The following HYCC1 variants were observed in gnomAD, a reference collection of about 807,000 sequenced individuals.
The protein encoded by HYCC1 is hyccin.
chr7:23,013,334 C>T, the HYCC1 span, among the ~76,000 whole-genome samples: 1 of 152,238 alleles, frequency 6.6e-6, no homozygotes, highest in East Asian at 1.9e-4. Context: ...ACCTCTCCGC[C>T]CTGCAGGGGA....
chr7:22,958,296 G>A, the HYCC1 span, among the ~76,000 whole-genome samples: 1 of 152,086 alleles, frequency 6.6e-6, no homozygotes, highest in Admixed American at 6.6e-5. Context: ...AAATAAGAAG[G>A]ACTTAAGAGT....
chr7:22,987,753 A>T, the HYCC1 span, among the ~76,000 whole-genome samples: 1 of 152,100 alleles, frequency 6.6e-6, no homozygotes, highest in Non-Finnish European at 1.5e-5. Flanking sequence ...TTTCTGATGA[A>T]AATATGAGAC....
chr7:22,950,225 G>A, the HYCC1 span, among the ~76,000 whole-genome samples: 1 of 151,656 alleles, frequency 6.6e-6, no homozygotes, highest in Admixed American at 6.6e-5. Flanking sequence ...AGTCTCCCTT[G>A]GTCAACCCAT....
the HYCC1 span, among the ~76,000 whole-genome samples, chr7:22,948,986 T>G: frequency 6.6e-6 from 1 of 151,848 alleles, no homozygotes. Context: ...CACTGTGGAG[T>G]GACAGCCAAG....
At chr7:22,993,726 A>T in the HYCC1 span, among the ~76,000 whole-genome samples, 4 of 152,102 alleles carry the variant, frequency 2.6e-5, no homozygotes, top group South Asian at 8.3e-4. Flanking sequence ...ACACGTACGC[A>T]TGTGTAGCTA....
At chr7:22,992,499 C>T in the HYCC1 span, among the ~76,000 whole-genome samples, 1 of 151,986 alleles carries the variant, frequency 6.6e-6, no homozygotes, top group Non-Finnish European at 1.5e-5. Flanking sequence ...TGACATTTAT[C>T]CTCCTTAAAA....
At chr7:23,013,935 G>C in the HYCC1 span, 1 of 469,924 alleles carries the variant, frequency 2.1e-6, no homozygotes, top group Non-Finnish European at 4.4e-6. Context: ...CAGGGCGGCT[G>C]CCGGAGCTCC....
the HYCC1 span, chr7:22,939,884 T>G: frequency 3.3e-5 from 5 of 152,150 alleles, no homozygotes; most frequent in Admixed American, 6.5e-5. Flanking sequence ...TTACACATAT[T>G]AGCTACCACT....
the HYCC1 span, among the ~76,000 whole-genome samples, chr7:22,921,209 T>C: frequency 2.0e-5 from 3 of 152,238 alleles, no homozygotes; most frequent in Admixed American, 2.0e-4. Flanking sequence ...CATGTATGTA[T>C]GTATATATGT....
At chr7:22,928,049 G>A in the HYCC1 span, among the ~76,000 whole-genome samples, 7 of 152,166 alleles carry the variant, frequency 4.6e-5, no homozygotes, top group Admixed American at 2.0e-4. Context: ...ATCAATAAAC[G>A]TAATCCAGCA....
chr7:22,943,745 A>T, the HYCC1 span: 1 of 152,642 alleles, frequency 6.6e-6, no homozygotes, highest in Admixed American at 6.5e-5. Context: ...ATTCACAGTG[A>T]TATTTTACAA....
chr7:23,001,401 C>T, the HYCC1 span, among the ~76,000 whole-genome samples: 1 of 152,176 alleles, frequency 6.6e-6, no homozygotes, highest in Non-Finnish European at 1.5e-5. Context: ...TATCAGCAAT[C>T]CCTACCCATG....
the HYCC1 span, among the ~76,000 whole-genome samples, chr7:22,901,188 T>A: frequency 9.1e-6 from 1 of 109,526 alleles, no homozygotes; most frequent in Non-Finnish European, 1.7e-5. Flanking sequence ...ACCACTGCAC[T>A]ACAGCCTGGA....
the HYCC1 span, chr7:22,940,755 A>G: frequency 7.2e-5 from 11 of 151,746 alleles, no homozygotes; most frequent in Non-Finnish European, 1.3e-4. Context: ...ACAAAGTCCT[A>G]TCTAGGTACT....
chr7:22,968,640 G>A, the HYCC1 span, among the ~76,000 whole-genome samples: 1 of 152,144 alleles, frequency 6.6e-6, no homozygotes, highest in East Asian at 1.9e-4. Flanking sequence ...CCCTTTGCTG[G>A]ATGTTTTTAA....
chr7:22,984,680 G>T, the HYCC1 span, among the ~76,000 whole-genome samples: 8 of 152,180 alleles, frequency 5.3e-5, no homozygotes, highest in Non-Finnish European at 1.2e-4. Context: ...CATGATTGCA[G>T]CATTACACTC....
chr7:22,912,798 C>T, the HYCC1 span, among the ~76,000 whole-genome samples: 1 of 152,188 alleles, frequency 6.6e-6, no homozygotes, highest in Non-Finnish European at 1.5e-5. Context: ...AAAGCATGTA[C>T]CTGCTATTTC....
chr7:22,906,180 A>G, the HYCC1 span, among the ~76,000 whole-genome samples: 40 of 152,168 alleles, frequency 2.6e-4, no homozygotes, highest in African/African-American at 9.7e-4. Context: ...TAATATTTCC[A>G]TCTCCACTGA....
chr7:22,953,422 G>T, the HYCC1 span, among the ~76,000 whole-genome samples: 1 of 151,796 alleles, frequency 6.6e-6, no homozygotes, highest in South Asian at 2.1e-4. Context: ...TAAAAATGTA[G>T]AATACAATAA....
Sources: gnomAD v4.1 joint callset for allele counts (sites outside exome capture counted in the v4.1 genomes callset) on GRCh38, gnomAD v4.1.1 for gene constraint, MANE v1.5 for transcripts, NCBI Gene and HGNC (gene_info 2026-07-23, HGNC 2026-07-21) for gene names.